SVOPL: variants seen among roughly 807,000 people sequenced by gnomAD.
SVOPL encodes the protein putative transporter SVOPL.
SVOPL carries 60 observed loss-of-function variants against 61.0 expected under a neutral mutation model. The observed-to-expected ratio is 0.98, with a 90% CI of 0.80 to 1.22. The LOEUF (loss-of-function observed/expected upper bound fraction) is 1.22, where lower values mean the gene tolerates loss of function less well. SVOPL is among the 50% of genes most tolerant of loss of function. The pLI is 0.00. For missense variants in SVOPL, 662 were observed against 643.9 expected, an observed-to-expected ratio of 1.03 and a Z score of -0.30; for synonymous variants, 279 against 250.0, an observed-to-expected ratio of 1.12 and a Z score of -1.09.
Position 138,628,180 on chromosome 7 carries a change from G to A in SVOPL, c.1047C>T (p.Ile349=), listed in dbSNP as rs1041143920. 2 of 1,614,166 alleles carry A rather than the reference G, an allele frequency of 1.2e-6. No individual in the cohort carries two copies. Among genetic ancestry groups the A allele is most frequent in the Admixed American group, 1.7e-5 (1 of 60,008 alleles). The part of the protein sequence containing the change: ...FAPSDYRTMI[I]STIGEIALNP... ...TACAAGCAATTTCACCGATGGTGCT[G>A]ATGATCATGGTCCGATAGTCAGAGG... is the stretch of plus-strand genomic sequence containing the variant. Residue 349 remains isoleucine, a synonymous_variant, in exon 11 of 16, where the codon ATC becomes ATT. Coordinates refer to ENST00000674285, the MANE Select transcript of SVOPL (RefSeq NM_001139456.2).
intron 14 of SVOPL, among the ~76,000 whole-genome samples, chr7:138,609,710 T>G (rs920092106): frequency 1.5e-4 from 20 of 129,330 alleles, no homozygotes; most frequent in Non-Finnish European, 2.9e-4. Context: ...CTCATTACTG[T>G]TTTTTTTTTG....
chr7:138,672,463 G>A (rs1802447793), intron 3 of SVOPL, among the ~76,000 whole-genome samples: 1 of 152,116 alleles, frequency 6.6e-6, no homozygotes, highest in African/African-American at 2.4e-5. Context: ...CTAACCGGCA[G>A]CATCCACATC....
At chr7:138,700,335 C>CT (rs776461183) in intron 1 of SVOPL, among the ~76,000 whole-genome samples, 13,161 of 99,468 alleles carry the variant, frequency 0.13, 1,372 homozygotes, top group East Asian at 0.44. Context: ...TTCCGTATGT[C>CT]TTTTTTTTTT....
chr7:138,606,463 G>C (rs1741868434), intron 14 of SVOPL, among the ~76,000 whole-genome samples: 1 of 152,112 alleles, frequency 6.6e-6, no homozygotes, highest in African/African-American at 2.4e-5. Context: ...TATCTGTGCA[G>C]CTGTGGGTAT....
chr7:138,631,910 C>G lies in SVOPL; in HGVS notation c.790-1788G>C, dbSNP rs1288414787. On this transcript the variant is annotated intron_variant, in intron 9 of 15. Coordinates refer to ENST00000674285, the MANE Select transcript of SVOPL (RefSeq NM_001139456.2). ...AGTGTTCAATTTATGTCCCATTTATCCCCCTGAAGTGGCTCAGACTGCCAT... is the reference window on the plus strand; with the variant it reads ...AGTGTTCAATTTATGTCCCATTTATGCCCCTGAAGTGGCTCAGACTGCCAT... Among the ~76,000 whole-genome samples the G allele has an allele frequency of 2.6e-5, 4 of 151,002 alleles. No homozygotes were observed. The East Asian group carries it at 7.8e-4, about 30-fold the overall frequency.
At chr7:138,664,843 TCGACCCTTCTCCCCAACTCCC>T (rs1802190683) in intron 4 of SVOPL, among the ~76,000 whole-genome samples, 1 of 70,944 alleles carries the variant, frequency 1.4e-5, no homozygotes, top group African/African-American at 6.0e-5. Flanking sequence ...ACCCCCGCCC[TCGACCCTTCTCCCCAACTCCC>T]GCCCTCGACC....
At chr7:138,664,185 GCCCTCC>G (rs1339633589) in intron 4 of SVOPL, 29 of 860,948 alleles carry the variant, frequency 3.4e-5, no homozygotes, top group Middle Eastern at 5.8e-4. Flanking sequence ...ACCCTACCCT[GCCCTCC>G]CCCTCCCCCA....
chr7:138,690,461 C>A (rs1396131120), intron 1 of SVOPL, among the ~76,000 whole-genome samples: 1 of 152,072 alleles, frequency 6.6e-6, no homozygotes, highest in Non-Finnish European at 1.5e-5. Flanking sequence ...TATCATTCAG[C>A]AATAAGAAGG....
At chr7:138,629,562 C>G (rs1280523736) in intron 10 of SVOPL, among the ~76,000 whole-genome samples, 1 of 152,158 alleles carries the variant, frequency 6.6e-6, no homozygotes, top group African/African-American at 2.4e-5. Context: ...TACCTTGACA[C>G]AGTTCCTAAG....
At chr7:138,650,297 G>A (rs1046088611) in intron 7 of SVOPL, among the ~76,000 whole-genome samples, 1 of 152,138 alleles carries the variant, frequency 6.6e-6, no homozygotes, top group Non-Finnish European at 1.5e-5. Context: ...GGGGATGAGG[G>A]ACAGGGAGGG....
intron 9 of SVOPL, among the ~76,000 whole-genome samples, chr7:138,637,481 G>GAT (rs1232350747): frequency 4.6e-4 from 19 of 41,346 alleles, no homozygotes; most frequent in African/African-American, 7.2e-4. Flanking sequence ...TATAGATATA[G>GAT]ATATAGATAG....
chr7:138,604,677 C>CAAAAAAAAAAAAAAAAAAAAAAAAAATAA (rs5887890), intron 14 of SVOPL, among the ~76,000 whole-genome samples: 2 of 58,814 alleles, frequency 3.4e-5, no homozygotes, highest in Non-Finnish European at 2.9e-5. Context: ...AACTTTATCT[C>CAAAAAAAAAAAAAAAAAAAAAAAAAATAA]AAAAAAAAAA....
At chr7:138,626,128 T>C in intron 12 of SVOPL, 78 bp from the exon 13 acceptor site, 3 of 1,338,096 alleles carry the variant, frequency 2.2e-6, no homozygotes, top group Non-Finnish European at 3.2e-6. Flanking sequence ...TCGAGTGCAC[T>C]GTGGATGCTG....
Position 138,691,864 on chromosome 7 carries a change from A to T in SVOPL, c.-35+9314T>A, listed in dbSNP as rs1033155273. ...CCCAAGTTTTTATTTATTTTAATTT[A>T]ATTTTATTTATTTTTGAGACAGAGT... On this transcript the variant is annotated intron_variant, in intron 1 of 15. Coordinates refer to ENST00000674285, the MANE Select transcript of SVOPL (RefSeq NM_001139456.2). Among the ~76,000 whole-genome samples the T allele has an allele frequency of 5.3e-5, 8 of 150,978 alleles. No homozygotes were observed. The East Asian group carries it at 5.9e-4, about 11-fold the overall frequency.
intron 4 of SVOPL, among the ~76,000 whole-genome samples, chr7:138,671,198 T>A (rs1263057523): frequency 6.6e-6 from 1 of 152,156 alleles, no homozygotes; most frequent in Non-Finnish European, 1.5e-5. Flanking sequence ...CCTCTGCAGC[T>A]TCACCTCCCA....
At chr7:138,636,311 C>T (rs539221800) in intron 9 of SVOPL, among the ~76,000 whole-genome samples, 2 of 151,982 alleles carry the variant, frequency 1.3e-5, no homozygotes, top group African/African-American at 4.8e-5. Context: ...AAGAAATGTG[C>T]AGTACTGACA....
At chr7:138,676,959 A>G (rs1156867149) in intron 3 of SVOPL, among the ~76,000 whole-genome samples, 1 of 131,164 alleles carries the variant, frequency 7.6e-6, no homozygotes, top group East Asian at 2.4e-4. Flanking sequence ...GCTGGAGTGC[A>G]GTGGCACTAT....
intron 5 of SVOPL, chr7:138,660,506 A>G: frequency 1.0e-6 from 1 of 986,132 alleles, no homozygotes; most frequent in Non-Finnish European, 1.2e-6. Context: ...AGAGAAAACG[A>G]AGTGTTAATG....
intron 13 of SVOPL, among the ~76,000 whole-genome samples, chr7:138,623,777 T>C (rs970289583): frequency 2.6e-5 from 4 of 152,202 alleles, no homozygotes; most frequent in Admixed American, 6.5e-5. Flanking sequence ...TGTTTTTAAT[T>C]ATGCAAAATT....
Sources: allele counts gnomAD v4.1 joint callset (sites outside exome capture counted in the v4.1 genomes callset), GRCh38; gene constraint gnomAD v4.1.1; transcripts MANE v1.5; gene names NCBI Gene and HGNC (gene_info 2026-07-23, HGNC 2026-07-21).